Variants in RASA2 observed in about 807,000 individuals in gnomAD.
RASA2 encodes the protein ras GTPase-activating protein 2.
A neutral mutation model predicts 118.2 loss-of-function variants in RASA2; 155 were observed. The observed-to-expected ratio is 1.31, with a 90% confidence interval of 1.15 to 1.50. RASA2 has a LOEUF of 1.50. Ranked by LOEUF, RASA2 falls within the 40% of genes most tolerant of loss-of-function variation. RASA2 has a pLI of 0.00. For missense variants in RASA2, 1,016 were observed against 1,009.6 expected (o/e 1.01, Z -0.09); for synonymous variants, 353 against 349.1 (o/e 1.01, Z -0.12).
Position 141,571,325 on chromosome 3 carries a change from G to A in RASA2, c.1021-81G>A, listed in dbSNP as rs1254125662. 4.0e-6 allele frequency: 6 copies of A among 1,505,574 alleles called. No homozygotes were observed. In the African/African-American group the frequency reaches 7.0e-5, roughly 18 times the overall value. The allele number at this position is 1,505,574 out of a possible 1,614,324, so 93.3% of individuals were successfully genotyped here. On this transcript the variant is annotated intron_variant, in intron 10 of 23. Transcript: ENST00000286364. ...TAACAGCTTTAGTGACATTATTTCAGTTACTTTTACAGGCTAGTGATTGAA... is the reference window on the plus strand; with the variant it reads ...TAACAGCTTTAGTGACATTATTTCAATTACTTTTACAGGCTAGTGATTGAA...
chr3:141,505,166 T>C (rs1413755660), intron 1 of RASA2, among the ~76,000 whole-genome samples: 2 of 152,254 alleles, frequency 1.3e-5, no homozygotes, highest in Non-Finnish European at 2.9e-5. Flanking sequence ...TGACAATAAA[T>C]ACTATATGCT....
At chr3:141,612,241 G>A (rs2083663793) in intron 23 of RASA2, 42 bp from the exon 24 acceptor site, 1 of 1,433,234 alleles carries the variant, frequency 7.0e-7, no homozygotes, top group East Asian at 2.3e-5. Flanking sequence ...TTAAATTTTT[G>A]TATTTCTTAA....
chr3:141,571,290 A>G, intron 10 of RASA2, 116 bp from the exon 11 acceptor site: 3 of 1,423,936 alleles, frequency 2.1e-6, no homozygotes, highest in Non-Finnish European at 2.8e-6. Flanking sequence ...CGAAAATTAA[A>G]TGTCCTGTAT....
chr3:141,607,882 C>G (rs2083573178), intron 20 of RASA2, 122 bp downstream of exon 20: 1 of 1,154,234 alleles, frequency 8.7e-7, no homozygotes, highest in Non-Finnish European at 1.1e-6. Flanking sequence ...TATTTGTATT[C>G]AAATTTTCAA....
chr3:141,581,885 G>A (rs2083119865), intron 17 of RASA2, among the ~76,000 whole-genome samples: 2 of 152,086 alleles, frequency 1.3e-5, no homozygotes, highest in South Asian at 4.1e-4. Flanking sequence ...AATTTCTTGA[G>A]TCTTTAGTCC....
intron 3 of RASA2, among the ~76,000 whole-genome samples, chr3:141,520,011 C>CTTTTTTTTTT (rs559634060): frequency 2.7e-5 from 3 of 109,790 alleles, no homozygotes; most frequent in Non-Finnish European, 3.6e-5. Context: ...TTCTTTTTCT[C>CTTTTTTTTTT]TTTTTTTTTT....
At chr3:141,496,918 A>G (rs2081710743) in intron 1 of RASA2, among the ~76,000 whole-genome samples, 1 of 152,196 alleles carries the variant, frequency 6.6e-6, no homozygotes, top group African/African-American at 2.4e-5. Context: ...ACCAACCCAC[A>G]TGTCCATCAG....
At chr3:141,550,509 TAAGGGCTAC>T (rs1461506282) in intron 5 of RASA2, among the ~76,000 whole-genome samples, 1 of 152,226 alleles carries the variant, frequency 6.6e-6, no homozygotes. Context: ...GAAATTTGAG[TAAGGGCTAC>T]AGATTTCAGT....
rs140650460 is a variant in RASA2 at position 141,491,099 on chromosome 3, T to TTAA, written c.133+3885_133+3887dup. On this transcript the variant is annotated intron_variant, in intron 1 of 23. Transcript: ENST00000286364. Reference sequence around the variant, plus strand: ...TATATTCTTCTTTAAACGTTGTTAATTAATCTTCATATGGCGTTAGCCAGC... The same window carrying TTAA: ...TATATTCTTCTTTAAACGTTGTTAATTAATAATCTTCATATGGCGTTAGCCAGC... Among the ~76,000 whole-genome samples the TTAA allele has an allele frequency of 1.4e-3, 219 of 152,380 alleles. 7 individuals are homozygous for TTAA. In the East Asian group the frequency reaches 0.024, roughly 17 times the overall value.
intron 5 of RASA2, among the ~76,000 whole-genome samples, chr3:141,548,489 G>T (rs759587470): frequency 2.6e-4 from 39 of 151,906 alleles, no homozygotes; most frequent in Admixed American, 1.7e-3. Context: ...TTAAGCTTTT[G>T]CTCTCCATAC....
At chr3:141,581,448 C>G (rs1198973562) in intron 17 of RASA2, among the ~76,000 whole-genome samples, 1 of 152,174 alleles carries the variant, frequency 6.6e-6, no homozygotes, top group Non-Finnish European at 1.5e-5. Flanking sequence ...CAAAGTGACA[C>G]TATTGGCATT....
chr3:141,578,157 A>G (rs2083042962), intron 15 of RASA2, among the ~76,000 whole-genome samples: 1 of 152,230 alleles, frequency 6.6e-6, no homozygotes, highest in Non-Finnish European at 1.5e-5. Flanking sequence ...TTCTGTTATC[A>G]TCCACATGTG....
intron 14 of RASA2, 112 bp from the exon 15 acceptor site, chr3:141,576,888 A>G (rs1472087009): frequency 1.7e-6 from 1 of 574,130 alleles, no homozygotes; most frequent in Non-Finnish European, 2.9e-6. Context: ...AGTTCTTACT[A>G]GACAAATTAT....
intron 9 of RASA2, among the ~76,000 whole-genome samples, chr3:141,560,964 A>G (rs1315950537): frequency 1.3e-5 from 2 of 152,172 alleles, no homozygotes; most frequent in African/African-American, 2.4e-5. Flanking sequence ...GTAGACTGAT[A>G]TGGAGACTCT....
intron 17 of RASA2, among the ~76,000 whole-genome samples, chr3:141,581,706 A>C (rs1208988688): frequency 1.3e-5 from 2 of 152,152 alleles, no homozygotes; most frequent in Admixed American, 1.3e-4. Context: ...CATAGTAAAA[A>C]ATATATACAT....
intron 4 of RASA2, among the ~76,000 whole-genome samples, chr3:141,537,662 G>A (rs1248768265): frequency 1.3e-5 from 2 of 152,190 alleles, no homozygotes; most frequent in African/African-American, 2.4e-5. Context: ...CCAGCTACTC[G>A]GGAGGCTGAG....
Position 141,613,353 on chromosome 3 carries a change from A to G in RASA2, c.*1040A>G, listed in dbSNP as rs536792771. 2 of 152,314 alleles carry G rather than the reference A, an allele frequency of 1.3e-5. No homozygotes were observed. Among genetic ancestry groups the G allele is most frequent in the South Asian group, 2.1e-4 (1 of 4,828 alleles). The allele number at this position is 152,314 out of a possible 1,614,324, so 9.4% of individuals were successfully genotyped here. On this transcript the variant is annotated 3_prime_UTR_variant, in exon 24 of 24. Coordinates refer to ENST00000286364, the MANE Select transcript of RASA2 (RefSeq NM_006506.5). ...GTCTAAAAATAATGCTTTCCTGAAA[A>G]TGTTTATATTTCATTGCTGTTTCCT...
At chr3:141,555,245 C>T (rs1018696100) in intron 6 of RASA2, among the ~76,000 whole-genome samples, 2 of 151,710 alleles carry the variant, frequency 1.3e-5, no homozygotes, top group African/African-American at 4.9e-5. Context: ...GCCTGGGCAA[C>T]GAGCAAAACT....
chr3:141,508,013 G>A (rs528854278), intron 1 of RASA2, among the ~76,000 whole-genome samples: 1 of 152,270 alleles, frequency 6.6e-6, no homozygotes, highest in Admixed American at 6.5e-5. Context: ...AAGGCTGGCT[G>A]TCATTAAACG....
Sources: allele counts gnomAD v4.1 joint callset (sites outside exome capture counted in the v4.1 genomes callset), GRCh38; gene constraint gnomAD v4.1.1; transcripts MANE v1.5; gene names NCBI Gene and HGNC (gene_info 2026-07-23, HGNC 2026-07-21).